The following PDE6D variants were observed in gnomAD, a reference collection of about 807,000 sequenced individuals.
PDE6D encodes phosphodiesterase 6D.
A neutral mutation model predicts 21.9 loss-of-function variants in PDE6D; 10 were observed. That is an observed-to-expected ratio of 0.46 (90% CI 0.28 to 0.78). The LOEUF (loss-of-function observed/expected upper bound fraction) is 0.78, where lower values mean the gene tolerates loss of function less well. Among genes scored for constraint, PDE6D ranks in the 30% least tolerant of loss-of-function variants. The probability of loss-of-function intolerance (pLI) is 0.12; values close to 1 mark genes in which losing one functional copy is unlikely to be tolerated. For missense variants in PDE6D, 139 were observed against 184.8 expected (o/e 0.75, Z 1.44); for synonymous variants, 59 against 63.5 (o/e 0.93, Z 0.34).
chr2:231,781,160 G>C lies in PDE6D; in HGVS notation c.-46C>G, dbSNP rs376586950. On this transcript the variant is annotated 5_prime_UTR_variant, in exon 1 of 5. Transcript: ENST00000287600. Reference sequence around the variant, plus strand: ...CGGCTTTCTCACTCTGGTCGGCGGAGCCTCGCAGACGGTGCCCAGGAGCCG... The same window carrying C: ...CGGCTTTCTCACTCTGGTCGGCGGACCCTCGCAGACGGTGCCCAGGAGCCG... 6.3e-7 allele frequency: 1 copy of C among 1,598,456 alleles called. No homozygotes were observed. The highest frequency in any genetic ancestry group is 1.3e-5 in the African/African-American group (1 of 74,446).
intron 1 of PDE6D, among the ~76,000 whole-genome samples, chr2:231,777,363 T>A (rs554890214): frequency 6.6e-6 from 1 of 151,800 alleles, no homozygotes; most frequent in Non-Finnish European, 1.5e-5. Context: ...GAGTTGGGGG[T>A]CTCGCTATGT....
Position 231,732,694 on chromosome 2 carries a change from G to A in PDE6D, c.*258C>T. ...TGTGTTTGTTCCCTGTGTGTATGCT[G>A]GGAAGGACTTGAGACCTGTCCCCTG... On this transcript the variant is annotated 3_prime_UTR_variant, in exon 5 of 5. Coordinates refer to ENST00000287600, the MANE Select transcript of PDE6D (RefSeq NM_002601.4). The A allele has an allele frequency of 2.6e-6, 1 of 381,504 alleles. No individual in the cohort carries two copies. Among genetic ancestry groups the A allele is most frequent in the South Asian group, 3.7e-5 (1 of 26,966 alleles). 23.6% of individuals were successfully genotyped at this position (381,504 alleles called of 1,614,324 possible). A position where few individuals can be genotyped will look rare whatever the true frequency, so the allele number is the denominator to read the frequency against.
At chr2:231,747,276 A>G (rs1374267045) in intron 1 of PDE6D, among the ~76,000 whole-genome samples, 1 of 152,194 alleles carries the variant, frequency 6.6e-6, no homozygotes, top group Non-Finnish European at 1.5e-5. Context: ...TTTTTAGTAG[A>G]GACGGGGTTT....
intron 1 of PDE6D, among the ~76,000 whole-genome samples, chr2:231,764,956 T>A (rs1326205630): frequency 6.6e-6 from 1 of 152,112 alleles, no homozygotes; most frequent in South Asian, 2.1e-4. Flanking sequence ...CAGGGTCCAG[T>A]GGACTGTAAA....
intron 4 of PDE6D, among the ~76,000 whole-genome samples, chr2:231,733,588 T>C (rs2048669427): frequency 6.6e-6 from 1 of 152,160 alleles, no homozygotes; most frequent in Non-Finnish European, 1.5e-5. Flanking sequence ...GAACAGAGGA[T>C]GTAACTTAGG....
At chr2:231,737,434 G>A (rs1043918668) in intron 3 of PDE6D, 142 bp from the exon 4 acceptor site, 31 of 555,816 alleles carry the variant, frequency 5.6e-5, no homozygotes, top group Non-Finnish European at 6.4e-5. Flanking sequence ...GACCAGGGGC[G>A]TAAAAAAGAC....
intron 1 of PDE6D, among the ~76,000 whole-genome samples, chr2:231,776,092 C>T (rs1228719122): frequency 6.6e-6 from 1 of 151,872 alleles, no homozygotes; most frequent in Non-Finnish European, 1.5e-5. Flanking sequence ...AATCCCAGCA[C>T]TTTGGGAGGC....
intron 2 of PDE6D, 113 bp from the exon 3 acceptor site, chr2:231,738,251 C>G (rs1218828783): frequency 3.0e-6 from 3 of 987,850 alleles, no homozygotes; most frequent in Non-Finnish European, 3.0e-6. Context: ...TTTCTTACAG[C>G]TGATTTAGAG....
In PDE6D at chr2:231,739,064, G is replaced by C. The variant is rs112089853; in HGVS notation, c.139+36C>G. On this transcript the variant is annotated intron_variant, in intron 2 of 4. Transcript: ENST00000287600. The surrounding 1 kb of genome is among the most constrained non-coding windows in gnomAD (Gnocchi z 4.2). Reference sequence around the variant, plus strand: ...ATGCTCAGGTGCTAGTCTGGCATTGGTCACAGCCCTGTGTAGATAAAGGGT... The same window carrying C: ...ATGCTCAGGTGCTAGTCTGGCATTGCTCACAGCCCTGTGTAGATAAAGGGT... The C allele has an allele frequency of 7.2e-7, 1 of 1,388,598 alleles. No individual in the cohort carries two copies. Among genetic ancestry groups the C allele is most frequent in the Admixed American group, 1.7e-5 (1 of 59,478 alleles). The allele number at this position is 1,388,598 out of a possible 1,614,324, so 86.0% of individuals were successfully genotyped here.
At chr2:231,765,561 TAAGC>T (rs1264181302) in intron 1 of PDE6D, among the ~76,000 whole-genome samples, 1 of 152,212 alleles carries the variant, frequency 6.6e-6, no homozygotes, top group Non-Finnish European at 1.5e-5. Flanking sequence ...AATGGCTGAC[TAAGC>T]ATATAATGAT....
chr2:231,736,926 A>G (rs763326300), intron 4 of PDE6D, among the ~76,000 whole-genome samples: 10 of 152,228 alleles, frequency 6.6e-5, no homozygotes, highest in Non-Finnish European at 1.2e-4. Flanking sequence ...TGACACAGGT[A>G]GTCAGGGTGA....
rs756873736 is a variant in PDE6D at position 231,739,072 on chromosome 2, C to A, written c.139+28G>T. On this transcript the variant is annotated intron_variant, in intron 2 of 4. Transcript: ENST00000287600. The surrounding 1 kb of genome is among the most constrained non-coding windows in gnomAD (Gnocchi z 4.2). ...GTGCTAGTCTGGCATTGGTCACAGC[C>A]CTGTGTAGATAAAGGGTTGGAAAGT... 1 of 1,456,626 alleles carries A rather than the reference C, an allele frequency of 6.9e-7. No individual in the cohort carries two copies. Among genetic ancestry groups the A allele is most frequent in the South Asian group, 1.1e-5 (1 of 87,734 alleles). The allele number at this position is 1,456,626 out of a possible 1,614,324, so 90.2% of individuals were successfully genotyped here.
intron 1 of PDE6D, among the ~76,000 whole-genome samples, chr2:231,776,322 A>C (rs2049056382): frequency 1.0e-5 from 1 of 96,974 alleles, no homozygotes; most frequent in South Asian, 3.1e-4. Flanking sequence ...ACTCCGTCTC[A>C]AAAAAAAAAA....
intron 1 of PDE6D, chr2:231,779,261 C>T (rs1374737131): frequency 6.6e-6 from 1 of 152,216 alleles, no homozygotes; most frequent in Non-Finnish European, 1.5e-5. Context: ...TCGGTTGATT[C>T]GCTTTTCCTT....
rs543171570 is a variant in PDE6D, at chr2:231,745,280, A to G, written c.51-6092T>C. Among the ~76,000 whole-genome samples, 14 of 151,738 alleles carry G rather than the reference A, an allele frequency of 9.2e-5. No individual in the cohort carries two copies. In the South Asian group the frequency reaches 2.7e-3, roughly 29 times the overall value. On this transcript the variant is annotated intron_variant, in intron 1 of 4. Transcript: ENST00000287600. ...GCTAAAAATGCTAGAAATGAAAGAC[A>G]AGCTTTGATGATTGGTCATCATCTG...
intron 1 of PDE6D, among the ~76,000 whole-genome samples, chr2:231,766,181 G>A (rs1016119655): frequency 2.0e-5 from 3 of 152,142 alleles, no homozygotes; most frequent in African/African-American, 7.2e-5. Context: ...TGATATCCCC[G>A]TGAAATAATA....
At chr2:231,771,428 G>A (rs902218777) in intron 1 of PDE6D, among the ~76,000 whole-genome samples, 6 of 152,272 alleles carry the variant, frequency 3.9e-5, no homozygotes, top group South Asian at 2.1e-4. Context: ...CTGCCTCGTC[G>A]ATCCTCAATT....
chr2:231,763,041 A>G (rs2048944359), intron 1 of PDE6D, among the ~76,000 whole-genome samples: 1 of 152,216 alleles, frequency 6.6e-6, no homozygotes, highest in Admixed American at 6.5e-5. Flanking sequence ...GCAGTTGTTA[A>G]TATTTGAAAT....
Position 231,734,302 on chromosome 2 carries a change from T to C in PDE6D, c.372-1269A>G, listed in dbSNP as rs146362832. Among the ~76,000 whole-genome samples, 215 of 152,242 alleles carry C rather than the reference T, an allele frequency of 1.4e-3. 1 individual carries two copies. Among genetic ancestry groups the C allele is most frequent in the African/African-American group, 4.8e-3 (198 of 41,546 alleles). On this transcript the variant is annotated intron_variant, in intron 4 of 4. Coordinates refer to ENST00000287600, the MANE Select transcript of PDE6D (RefSeq NM_002601.4). ...ATCAACTTATGATCTTTCAACTTTA[T>C]AGTGGATTTATGGGGATATTAAATG...
Sources: allele counts gnomAD v4.1 joint callset (sites outside exome capture counted in the v4.1 genomes callset), GRCh38; gene constraint gnomAD v4.1.1; non-coding constraint Gnocchi (gnomAD v3.1); transcripts MANE v1.5; gene names NCBI Gene and HGNC (gene_info 2026-07-23, HGNC 2026-07-21).